Variants in TMEM200A observed in about 807,000 individuals in gnomAD.
The protein encoded by TMEM200A is transmembrane protein 200A.
Under a neutral mutation model 24.3 loss-of-function variants are expected in TMEM200A, and 12 were observed. The ratio of observed to expected loss-of-function variants is 0.49; its 90% CI spans 0.32 to 0.80. TMEM200A has a LOEUF of 0.80. Among genes scored for constraint, TMEM200A ranks in the 30% least tolerant of loss-of-function variants. TMEM200A has a pLI of 0.04. For synonymous variants in TMEM200A, 224 were observed against 224.4 expected (o/e 1.00, Z 0.02); for missense variants, 545 against 614.4 (o/e 0.89, Z 1.19).
intron 1 of TMEM200A, among the ~76,000 whole-genome samples, chr6:130,376,964 A>C (rs1778470538): frequency 6.6e-6 from 1 of 152,230 alleles, no homozygotes; most frequent in Admixed American, 6.5e-5. Flanking sequence ...TAATAACACA[A>C]AATTAATGAT....
intron 2 of TMEM200A, among the ~76,000 whole-genome samples, chr6:130,392,525 G>A (rs760631895): frequency 1.2e-4 from 18 of 151,992 alleles, no homozygotes; most frequent in African/African-American, 3.1e-4. Context: ...AAGCCTTTCC[G>A]CCTCCGGTTT....
intron 1 of TMEM200A, among the ~76,000 whole-genome samples, chr6:130,375,562 G>A (rs1778435319): frequency 6.6e-6 from 1 of 152,214 alleles, no homozygotes; most frequent in Non-Finnish European, 1.5e-5. Context: ...AAAAAGTGCT[G>A]TAAGGGAAGT....
intron 2 of TMEM200A, among the ~76,000 whole-genome samples, chr6:130,408,222 T>C (rs1300703851): frequency 6.6e-6 from 1 of 152,178 alleles, no homozygotes; most frequent in Non-Finnish European, 1.5e-5. Flanking sequence ...ATGAGGGTCT[T>C]GAAGGATGGA....
rs2115244177 is a variant in TMEM200A, at chr6:130,441,628, G to T, written c.1206G>T (p.Arg402=). Residue 402 remains arginine (R), a synonymous_variant, in exon 3 of 3, where the codon CGG becomes CGT. Transcript: ENST00000296978. ...ACTCAAAGTCCTTGGACTTAGACCG[G>T]GGTCCCTCCACTCTAACTGTTCAGG... The part of the protein sequence containing the change: ...SSHSKSLDLD[R]GPSTLTVQAE... 1 of 1,614,000 alleles carries T rather than the reference G, an allele frequency of 6.2e-7. No homozygotes were observed. Among genetic ancestry groups the T allele is most frequent in the Non-Finnish European group, 8.5e-7 (1 of 1,179,986 alleles).
At chr6:130,369,129 C>T (rs368067076) in intron 1 of TMEM200A, among the ~76,000 whole-genome samples, 24 of 152,276 alleles carry the variant, frequency 1.6e-4, no homozygotes, top group East Asian at 5.8e-4. Context: ...TCTGACCTAA[C>T]ATTGATTATG....
Position 130,442,603 on chromosome 6 carries a change from G to A in TMEM200A, c.*705G>A, listed in dbSNP as rs372861857. Reference sequence around the variant, plus strand: ...ATAGTTGCTATAACGTTAGATACTCGGAATCAAAATTTATTTGCAAGCTGA... The same window carrying A: ...ATAGTTGCTATAACGTTAGATACTCAGAATCAAAATTTATTTGCAAGCTGA... On this transcript the variant is annotated 3_prime_UTR_variant, in exon 3 of 3. Transcript: ENST00000296978. 8 of 166,532 alleles carry A rather than the reference G, an allele frequency of 4.8e-5. No homozygotes were observed. Among genetic ancestry groups the A allele is most frequent in the African/African-American group, 1.5e-4 (6 of 41,376 alleles). The allele number at this position is 166,532 out of a possible 1,614,324, so 10.3% of individuals were successfully genotyped here. A position where few individuals can be genotyped will look rare whatever the true frequency, so the allele number is the denominator to read the frequency against.
chr6:130,366,151 G>A lies in TMEM200A; in HGVS notation c.-454G>A, dbSNP rs1000289667. The stretch of plus-strand genomic sequence containing the variant: ...TTGCTGCGCCCGGTGCCCTCCGAGG[G>A]CAGGCGCGCCTGGACTCTGCGCCCG... On this transcript the variant is annotated 5_prime_UTR_variant, in exon 1 of 3. Coordinates refer to ENST00000296978, the MANE Select transcript of TMEM200A (RefSeq NM_001258277.2). This position sits in a 1 kb window ranked among gnomAD's most constrained non-coding sequence, Gnocchi z 4.4. 3 of 985,328 alleles carry A rather than the reference G, an allele frequency of 3.0e-6. No individual in the cohort carries two copies. The highest frequency in any genetic ancestry group is 3.6e-6 in the Non-Finnish European group (3 of 829,964). The allele number at this position is 985,328 out of a possible 1,614,324, so 61.0% of individuals were successfully genotyped here. A position where few individuals can be genotyped will look rare whatever the true frequency, so the allele number is the denominator to read the frequency against.
intron 2 of TMEM200A, chr6:130,421,423 A>G (rs1428102543): frequency 6.6e-6 from 1 of 152,082 alleles, no homozygotes; most frequent in African/African-American, 2.4e-5. Flanking sequence ...TTTAAGGTGC[A>G]TAACATGATG....
intron 2 of TMEM200A, among the ~76,000 whole-genome samples, chr6:130,410,639 C>A (rs2115157808): frequency 6.6e-6 from 1 of 152,246 alleles, no homozygotes; most frequent in Non-Finnish European, 1.5e-5. Flanking sequence ...TGTGGCAGAT[C>A]CGTTGTTTCA....
At chr6:130,378,451 T>C (rs1778515811) in intron 1 of TMEM200A, among the ~76,000 whole-genome samples, 1 of 152,040 alleles carries the variant, frequency 6.6e-6, no homozygotes, top group Non-Finnish European at 1.5e-5. Flanking sequence ...TGGCCGGGCA[T>C]GGTGGCTCAC....
At position 130,442,728 on chromosome 6, in the gene TMEM200A, A is replaced by G. The variant is rs1423018053; in HGVS notation, c.*830A>G. 2 of 167,032 alleles carry G rather than the reference A, an allele frequency of 1.2e-5. No homozygotes were observed. The highest frequency in any genetic ancestry group is 1.5e-5 in the Non-Finnish European group (1 of 68,092). The allele number at this position is 167,032 out of a possible 1,614,324, so 10.3% of individuals were successfully genotyped here. On this transcript the variant is annotated 3_prime_UTR_variant, in exon 3 of 3. Coordinates refer to ENST00000296978, the MANE Select transcript of TMEM200A (RefSeq NM_001258277.2). ...TGACTAATGAATTAAGATACATTAT[A>G]TACTAGTTAATGCTAACTAGTCTCA...
intron 2 of TMEM200A, among the ~76,000 whole-genome samples, chr6:130,430,847 C>A (rs1388951687): frequency 6.6e-6 from 1 of 152,088 alleles, no homozygotes; most frequent in African/African-American, 2.4e-5. Flanking sequence ...GAACAATTTT[C>A]TAATGTTTGT....
chr6:130,437,106 G>A (rs1026121468), intron 2 of TMEM200A: 3 of 152,298 alleles, frequency 2.0e-5, no homozygotes, highest in East Asian at 1.9e-4. Context: ...CATGGCAGAT[G>A]TGTATAAATT....
At chr6:130,379,168 GGA>G (rs1778537410) in intron 1 of TMEM200A, among the ~76,000 whole-genome samples, 1 of 152,154 alleles carries the variant, frequency 6.6e-6, no homozygotes, top group Non-Finnish European at 1.5e-5. Context: ...GAAGTTTGGA[GGA>G]CACATTCAAA....
At chr6:130,433,300 C>A (rs1194865119) in intron 2 of TMEM200A, among the ~76,000 whole-genome samples, 1 of 152,030 alleles carries the variant, frequency 6.6e-6, no homozygotes, top group African/African-American at 2.4e-5. Context: ...CCATGCCCAA[C>A]TAATTTTTTG....
chr6:130,440,321 T>C (rs925206238), intron 2 of TMEM200A, 86 bp from the exon 3 acceptor site: 11 of 1,327,540 alleles, frequency 8.3e-6, no homozygotes, highest in Non-Finnish European at 9.8e-6. Flanking sequence ...ACAAAAATTC[T>C]GTGTAAACAG....
chr6:130,407,487 A>G (rs1199672079), intron 2 of TMEM200A, among the ~76,000 whole-genome samples: 1 of 152,230 alleles, frequency 6.6e-6, no homozygotes, highest in African/African-American at 2.4e-5. Flanking sequence ...CCATCTAGAT[A>G]ATTCAAAACC....
intron 2 of TMEM200A, among the ~76,000 whole-genome samples, chr6:130,432,239 A>G (rs1354506458): frequency 6.6e-6 from 1 of 152,224 alleles, no homozygotes; most frequent in Non-Finnish European, 1.5e-5. Flanking sequence ...AATTGATCAG[A>G]TTACTCATTC....
chr6:130,441,125 G>C lies in TMEM200A; in HGVS notation c.703G>C (p.Glu235Gln). The C allele has an allele frequency of 6.2e-7, 1 of 1,614,048 alleles. No individual in the cohort carries two copies. Among genetic ancestry groups the C allele is most frequent in the Non-Finnish European group, 8.5e-7 (1 of 1,179,994 alleles). ...SVEEDELMLN[E>Q]GKSSGHLMPP... Reference sequence around the variant, plus strand: ...GGAGGAGGATGAACTTATGTTAAATGAAGGTAAGAGTTCTGGGCATCTTAT... The same window carrying C: ...GGAGGAGGATGAACTTATGTTAAATCAAGGTAAGAGTTCTGGGCATCTTAT... The change falls in exon 3 of 3, where the codon GAA (glutamate) becomes CAA (glutamine). Residue 235 changes from glutamate (E) to glutamine (Q), a missense_variant. By Grantham distance (29) the Glu-to-Gln change is conservative. Coordinates refer to ENST00000296978, the MANE Select transcript of TMEM200A (RefSeq NM_001258277.2).
Sources: allele counts gnomAD v4.1 joint callset (sites outside exome capture counted in the v4.1 genomes callset), GRCh38; gene constraint gnomAD v4.1.1; non-coding constraint Gnocchi (gnomAD v3.1); transcripts MANE v1.5; gene names NCBI Gene and HGNC (gene_info 2026-07-23, HGNC 2026-07-21).